Variants in FER observed in about 807,000 individuals in gnomAD.
FER encodes tyrosine-protein kinase Fer.
In FER, 63 loss-of-function variants were observed where a neutral mutation model predicts 111.0. The observed-to-expected ratio is 0.57, with a 90% CI of 0.46 to 0.70. The LOEUF (loss-of-function observed/expected upper bound fraction) is 0.70, where lower values mean the gene tolerates loss of function less well. Ranked by LOEUF, FER falls within the 30% of genes least tolerant of loss-of-function variation. The probability of loss-of-function intolerance (pLI) is 0.00; values close to 1 mark genes in which losing one functional copy is unlikely to be tolerated. For missense variants in FER, 914 were observed against 954.0 expected (o/e 0.96, Z 0.55); for synonymous variants, 327 against 313.9 (o/e 1.04, Z -0.44).
At chr5:108,805,082 A>C (rs577168896) in intron 3 of FER, among the ~76,000 whole-genome samples, 2 of 151,996 alleles carry the variant, frequency 1.3e-5, no homozygotes, top group South Asian at 2.1e-4. Context: ...TCCCCACCCA[A>C]ATCTCATCTT....
rs956727722 is a variant in FER, at chr5:108,826,568, T to C, written c.208-6202T>C. On this transcript the variant is annotated intron_variant, in intron 3 of 19. Coordinates refer to ENST00000281092, the MANE Select transcript of FER (RefSeq NM_005246.4). ...GCACCTGGACAGTTCTTGTTTCTTA[T>C]AGTGTCTTTGTCTGGCTTTGCTGTC... Among the ~76,000 whole-genome samples the C allele has an allele frequency of 3.9e-5, 6 of 152,326 alleles. No individual in the cohort carries two copies. The East Asian group carries it at 1.2e-3, about 29-fold the overall frequency.
At chr5:108,936,435 C>G (rs1197213385) in intron 10 of FER, among the ~76,000 whole-genome samples, 1 of 151,950 alleles carries the variant, frequency 6.6e-6, no homozygotes, top group Non-Finnish European at 1.5e-5. Flanking sequence ...TACACAATGG[C>G]TGCTTTAGGC....
intron 5 of FER, among the ~76,000 whole-genome samples, chr5:108,860,033 C>T (rs1324369481): frequency 2.6e-5 from 4 of 151,484 alleles, no homozygotes; most frequent in African/African-American, 9.7e-5. Context: ...CCTCCACCTC[C>T]CGGGTTCCAG....
chr5:108,866,588 A>G (rs2150232266), intron 5 of FER, among the ~76,000 whole-genome samples: 1 of 152,270 alleles, frequency 6.6e-6, no homozygotes, highest in South Asian at 2.1e-4. Context: ...AGTATTAAAA[A>G]AAAAAAGAAT....
intron 10 of FER, among the ~76,000 whole-genome samples, chr5:108,921,335 GGTATGTAT>G (rs1001888237): frequency 6.6e-6 from 1 of 151,884 alleles, no homozygotes; most frequent in Non-Finnish European, 1.5e-5. Context: ...ATTTGATTAT[GGTATGTAT>G]GTATGTATGT....
chr5:109,155,270 A>G (rs1347930903), intron 17 of FER, among the ~76,000 whole-genome samples: 1 of 152,088 alleles, frequency 6.6e-6, no homozygotes, highest in African/African-American at 2.4e-5. Flanking sequence ...TGAGACTAGC[A>G]TAAGCAGGTT....
chr5:108,838,662 A>AG (rs1209550969), intron 5 of FER, among the ~76,000 whole-genome samples: 2 of 152,218 alleles, frequency 1.3e-5, no homozygotes, highest in Non-Finnish European at 2.9e-5. Flanking sequence ...TTATATACAA[A>AG]GGAACACTCG....
At position 108,878,886 on chromosome 5, in the gene FER, A is replaced by G. The variant is rs180925945; in HGVS notation, c.924-4510A>G. Among the ~76,000 whole-genome samples the G allele has an allele frequency of 3.0e-3, 450 of 152,274 alleles. 2 individuals carry two copies. Among genetic ancestry groups the G allele is most frequent in the African/African-American group, 0.01 (426 of 41,564 alleles). ...AATTCTAGGATGTGTAATTACTAAG[A>G]CAGGATATTAGTTGTTAAGGGTGTG... On this transcript the variant is annotated intron_variant, in intron 8 of 19. Coordinates refer to ENST00000281092, the MANE Select transcript of FER (RefSeq NM_005246.4).
intron 2 of FER, among the ~76,000 whole-genome samples, chr5:108,794,026 T>A (rs1755702580): frequency 6.6e-6 from 1 of 152,172 alleles, no homozygotes; most frequent in Non-Finnish European, 1.5e-5. Context: ...TTGGTTCATC[T>A]TGTCTTTTTT....
At chr5:109,140,843 CTTTATCA>C (rs1216181595) in intron 17 of FER, among the ~76,000 whole-genome samples, 1 of 152,050 alleles carries the variant, frequency 6.6e-6, no homozygotes, top group Non-Finnish European at 1.5e-5. Context: ...CATAAAAATC[CTTTATCA>C]TTTAAGTGAA....
At chr5:108,758,936 T>C (rs1751415923) in intron 1 of FER, among the ~76,000 whole-genome samples, 1 of 152,198 alleles carries the variant, frequency 6.6e-6, no homozygotes, top group South Asian at 2.1e-4. Context: ...CCTATCATTG[T>C]GTAAATTTCT....
rs548005080 is a variant in FER, at chr5:108,982,546, T to C, written c.1656+23199T>C. Among the ~76,000 whole-genome samples, 7 of 152,208 alleles carry C rather than the reference T, an allele frequency of 4.6e-5. No homozygotes were observed. The South Asian group carries it at 1.5e-3, about 32-fold the overall frequency. On this transcript the variant is annotated intron_variant, in intron 13 of 19. Transcript: ENST00000281092. ...TCCAAAATTGATTTTTGCAGTCTTA[T>C]AGAACTCAAAAGAAAGGTATCCGAA... is the stretch of plus-strand genomic sequence containing the variant.
chr5:108,999,119 G>T (rs1428436724), intron 13 of FER, among the ~76,000 whole-genome samples: 1 of 151,886 alleles, frequency 6.6e-6, no homozygotes, highest in Non-Finnish European at 1.5e-5. Context: ...TAAACTTGTA[G>T]CCTTCCTTGA....
At chr5:108,952,876 A>C in intron 11 of FER, among the ~76,000 whole-genome samples, 1 of 152,098 alleles carries the variant, frequency 6.6e-6, no homozygotes, top group Middle Eastern at 3.2e-3. Context: ...AGAAATCAAC[A>C]GGTAGCATCC....
intron 13 of FER, among the ~76,000 whole-genome samples, chr5:108,974,968 T>A (rs189967789): frequency 9.1e-4 from 139 of 152,300 alleles, no homozygotes; most frequent in African/African-American, 3.0e-3. Context: ...TGCATATGTG[T>A]GTTTATTGCA....
At chr5:109,120,066 A>T (rs374824840) in intron 17 of FER, among the ~76,000 whole-genome samples, 1 of 151,758 alleles carries the variant, frequency 6.6e-6, no homozygotes, top group African/African-American at 2.4e-5. Context: ...TTTCTTCTGT[A>T]TTATCTCTTC....
chr5:108,887,414 A>G (rs1003457265), intron 9 of FER, among the ~76,000 whole-genome samples: 72 of 151,850 alleles, frequency 4.7e-4, no homozygotes, highest in African/African-American at 1.7e-3. Context: ...ATAAACTTCA[A>G]GAATGGCTTT....
At chr5:109,113,387 T>G (rs1025686492) in intron 17 of FER, among the ~76,000 whole-genome samples, 3 of 152,176 alleles carry the variant, frequency 2.0e-5, no homozygotes, top group African/African-American at 7.2e-5. Context: ...TCTAATTTTT[T>G]AAACAGTAAG....
intron 10 of FER, among the ~76,000 whole-genome samples, chr5:108,923,456 C>G (rs1006897824): frequency 2.6e-5 from 4 of 152,022 alleles, no homozygotes; most frequent in Non-Finnish European, 5.9e-5. Flanking sequence ...AGACTTTTGA[C>G]TCTCTTGCTC....
Sources: allele counts gnomAD v4.1 joint callset (sites outside exome capture counted in the v4.1 genomes callset), GRCh38; gene constraint gnomAD v4.1.1; transcripts MANE v1.5; gene names NCBI Gene and HGNC (gene_info 2026-07-23, HGNC 2026-07-21).